SGCZ: variants seen among roughly 807,000 people sequenced by gnomAD.
SGCZ encodes zeta-sarcoglycan.
Under a neutral mutation model 41.3 loss-of-function variants are expected in SGCZ, and 40 were observed. That is an observed-to-expected ratio of 0.97 (90% CI 0.75 to 1.26). SGCZ has a LOEUF of 1.26. SGCZ is among the 50% of genes most tolerant of loss of function. SGCZ has a pLI of 0.00. For missense variants in SGCZ, 552 were observed against 369.8 expected (o/e 1.49, Z -4.04); for synonymous variants, 206 against 137.5 (o/e 1.50, Z -3.49).
intron 4 of SGCZ, among the ~76,000 whole-genome samples, chr8:14,171,001 G>T (rs948865997): frequency 1.3e-5 from 2 of 151,774 alleles, no homozygotes; most frequent in African/African-American, 2.4e-5. Flanking sequence ...ATTCATTTTG[G>T]CAGTTGTTAA....
intron 1 of SGCZ, among the ~76,000 whole-genome samples, chr8:14,821,284 C>T (rs1802072958): frequency 6.6e-6 from 1 of 151,838 alleles, no homozygotes; most frequent in Non-Finnish European, 1.5e-5. Context: ...AATAGAAAAA[C>T]TGAACAGAAC....
intron 3 of SGCZ, among the ~76,000 whole-genome samples, chr8:14,312,063 TG>T (rs1352486288): frequency 6.6e-6 from 1 of 151,860 alleles, no homozygotes; most frequent in African/African-American, 2.4e-5. Flanking sequence ...GTGGGGACAA[TG>T]TTTTTTTGAA....
intron 1 of SGCZ, among the ~76,000 whole-genome samples, chr8:14,665,884 T>C (rs1159411020): frequency 6.6e-6 from 1 of 152,196 alleles, no homozygotes; most frequent in African/African-American, 2.4e-5. Context: ...TCGTCTGAAT[T>C]GCAAAAGTTA....
intron 1 of SGCZ, among the ~76,000 whole-genome samples, chr8:15,065,188 T>C (rs1426255809): frequency 1.3e-5 from 2 of 152,118 alleles, no homozygotes; most frequent in African/African-American, 4.8e-5. Context: ...CCGCTGTGCC[T>C]TGCTACTTGC....
chr8:14,914,670 T>C (rs1375633171), intron 1 of SGCZ, among the ~76,000 whole-genome samples: 1 of 152,166 alleles, frequency 6.6e-6, no homozygotes, highest in African/African-American at 2.4e-5. Flanking sequence ...CTTAAAATAA[T>C]TATAAAATGT....
intron 1 of SGCZ, among the ~76,000 whole-genome samples, chr8:14,685,340 A>G (rs965713247): frequency 2.0e-5 from 3 of 152,172 alleles, no homozygotes; most frequent in Non-Finnish European, 4.4e-5. Context: ...CATTACTATT[A>G]GAATTAGACA....
At chr8:14,723,225 G>C (rs1362082117) in intron 1 of SGCZ, among the ~76,000 whole-genome samples, 2 of 152,184 alleles carry the variant, frequency 1.3e-5, no homozygotes, top group Non-Finnish European at 2.9e-5. Context: ...GAGAGAAAAT[G>C]CAGAATGTGA....
chr8:15,003,132 A>G (rs1407309724), intron 1 of SGCZ, among the ~76,000 whole-genome samples: 1 of 152,176 alleles, frequency 6.6e-6, no homozygotes, highest in African/African-American at 2.4e-5. Flanking sequence ...ATTTAATATT[A>G]AAAGAGGTAT....
At chr8:14,890,132 G>A (rs150346558) in intron 1 of SGCZ, among the ~76,000 whole-genome samples, 13 of 152,014 alleles carry the variant, frequency 8.6e-5, no homozygotes, top group South Asian at 2.1e-4. Flanking sequence ...CAGGTGAATC[G>A]CTTCAACGTG....
chr8:14,180,007 A>T (rs527659157), intron 4 of SGCZ, among the ~76,000 whole-genome samples: 2 of 152,324 alleles, frequency 1.3e-5, no homozygotes, highest in South Asian at 4.1e-4. Flanking sequence ...AAGTCACCAG[A>T]GATGCCAAAG....
intron 2 of SGCZ, among the ~76,000 whole-genome samples, chr8:14,344,766 G>A (rs1469662284): frequency 1.3e-5 from 2 of 151,878 alleles, no homozygotes; most frequent in Non-Finnish European, 2.9e-5. Context: ...TTATACATGA[G>A]ACCAGCTACA....
Position 15,222,594 on chromosome 8 carries a change from TTA to T in SGCZ, c.39+14989_39+14990del, listed in dbSNP as rs200644007. On this transcript the variant is annotated intron_variant, in intron 1 of 7. Coordinates refer to ENST00000382080, the MANE Select transcript of SGCZ (RefSeq NM_139167.4). ...ATTAGAAGGAATTTTTCACAATCAT[TTA>T]TTTTAGCACCTTCATTTTGCATTTG... Among the ~76,000 whole-genome samples, 1,288 of 152,332 alleles carry T rather than the reference TTA, an allele frequency of 8.5e-3. 13 individuals carry two copies. The highest frequency in any genetic ancestry group is 0.014 in the Non-Finnish European group (970 of 68,026).
At chr8:14,855,576 C>A (rs189509883) in intron 1 of SGCZ, among the ~76,000 whole-genome samples, 2 of 152,246 alleles carry the variant, frequency 1.3e-5, no homozygotes, top group East Asian at 1.9e-4. Flanking sequence ...TCCCTTCTAG[C>A]CACCAAGTAG....
At chr8:14,523,604 T>G (rs143593054) in intron 2 of SGCZ, among the ~76,000 whole-genome samples, 5 of 152,214 alleles carry the variant, frequency 3.3e-5, no homozygotes, top group African/African-American at 1.2e-4. Flanking sequence ...TATTTTTGTT[T>G]GGTTTTTACT....
intron 2 of SGCZ, among the ~76,000 whole-genome samples, chr8:14,451,485 T>C (rs1277734901): frequency 2.0e-5 from 3 of 152,158 alleles, no homozygotes; most frequent in Admixed American, 6.6e-5. Context: ...TCATTTTAAA[T>C]GTGGAACCGA....
At chr8:14,365,868 G>A (rs1314389853) in intron 2 of SGCZ, among the ~76,000 whole-genome samples, 2 of 151,922 alleles carry the variant, frequency 1.3e-5, no homozygotes, top group Non-Finnish European at 2.9e-5. Flanking sequence ...TGATTTCCTT[G>A]TTTTGATACC....
At position 15,152,932 on chromosome 8, in the gene SGCZ, G is replaced by A. The variant is rs571513885; in HGVS notation, c.39+84653C>T. 1.6e-3 allele frequency among the ~76,000 whole-genome samples: 241 copies of A among 152,254 alleles called. 1 individual carries two copies. The highest frequency in any genetic ancestry group is 5.7e-3 in the African/African-American group (235 of 41,548). ...CCCCACTGCTCCAGTCTCCTGGGTAGAGGAAAGGGTTTTGCAAATTTGGTG... is the reference window on the plus strand; with the variant it reads ...CCCCACTGCTCCAGTCTCCTGGGTAAAGGAAAGGGTTTTGCAAATTTGGTG... On this transcript the variant is annotated intron_variant, in intron 1 of 7. Coordinates refer to ENST00000382080, the MANE Select transcript of SGCZ (RefSeq NM_139167.4).
At chr8:14,279,730 C>T (rs1800356124) in intron 3 of SGCZ, among the ~76,000 whole-genome samples, 2 of 151,934 alleles carry the variant, frequency 1.3e-5, no homozygotes, top group Admixed American at 1.3e-4. Context: ...AAATTCCAGC[C>T]TCTAAAAAGT....
Position 14,196,267 on chromosome 8 carries a change from T to G in SGCZ, c.425-31565A>C, listed in dbSNP as rs1039329101. 3.3e-5 allele frequency among the ~76,000 whole-genome samples: 5 copies of G among 149,836 alleles called. No homozygotes were observed. In the South Asian group the frequency reaches 1.1e-3, roughly 32 times the overall value. ...AAATACTAAATTAATTAGAGTAATT[T>G]TTTTTTTTTTTTAAAGACGGAGTTT... On this transcript the variant is annotated intron_variant, in intron 4 of 7. Coordinates refer to ENST00000382080, the MANE Select transcript of SGCZ (RefSeq NM_139167.4).
Sources: gnomAD v4.1 joint callset for allele counts (sites outside exome capture counted in the v4.1 genomes callset) on GRCh38, gnomAD v4.1.1 for gene constraint, MANE v1.5 for transcripts, NCBI Gene and HGNC (gene_info 2026-07-23, HGNC 2026-07-21) for gene names.